CABP2: variants seen among roughly 807,000 people sequenced by gnomAD.
CABP2 encodes calcium binding protein 2, also known as calcium-binding protein 2.
Under a neutral mutation model 28.6 loss-of-function variants are expected in CABP2, and 25 were observed. The ratio of observed to expected loss-of-function variants is 0.87; its 90% CI spans 0.64 to 1.22. The LOEUF (loss-of-function observed/expected upper bound fraction) is 1.22. CABP2 is among the 50% of genes most tolerant of loss of function. The pLI, the probability that CABP2 is intolerant of heterozygous loss-of-function variation, is 0.00. For synonymous variants in CABP2, 138 were observed against 126.0 expected (o/e 1.09, Z -0.64); for missense variants, 310 against 312.2 (o/e 0.99, Z 0.05).
chr11:67,523,198 G>T, intron 1 of CABP2, 87 bp downstream of exon 1: 3 of 814,124 alleles, frequency 3.7e-6, no homozygotes, highest in South Asian at 1.5e-5. Context: ...AACCCCGCCC[G>T]GCCCTCGGAG....
chr11:67,522,791 A>T, intron 1 of CABP2, 75 bp from the exon 2 acceptor site: 1 of 1,322,704 alleles, frequency 7.6e-7, no homozygotes, highest in East Asian at 2.6e-5. Context: ...CACTCCTCTC[A>T]CCAGCTGCTC....
rs754353161 is a variant in CABP2, at chr11:67,521,021, A to G, written c.379+4T>C. 5.0e-6 allele frequency: 8 copies of G among 1,612,790 alleles called. No individual in the cohort carries two copies. In the East Asian group the frequency reaches 8.9e-5, roughly 18 times the overall value. The stretch of plus-strand genomic sequence containing the variant: ...GGGGATGGGGATGGGTCCGAGGCAC[A>G]TACTGATTTGTTGTGAGATCTCGAT... On this transcript the variant is annotated splice_donor_region_variant and intron_variant, in intron 4 of 6. Coordinates refer to ENST00000294288, the MANE Select transcript of CABP2 (RefSeq NM_016366.3).
chr11:67,522,570 C>T lies in CABP2; in HGVS notation c.189G>A (p.Arg63=). Residue 63 remains arginine, a synonymous_variant, in exon 2 of 7, where the codon CGG becomes CGA. Coordinates refer to ENST00000294288, the MANE Select transcript of CABP2 (RefSeq NM_016366.3). ...CGAGTTGGGTGGCGGCAATGCTGGG[C>T]CGCAGGAAGATGCAGGCAGGCCCCA... The part of the protein sequence containing the change: ...SLVGPACIFL[R]PSIAATQLDR... The T allele has an allele frequency of 6.4e-7, 1 of 1,556,216 alleles. No individual in the cohort carries two copies. The highest frequency in any genetic ancestry group is 1.2e-5 in the South Asian group (1 of 84,370).
In CABP2 at chr11:67,523,428, A is replaced by T; in HGVS notation, c.-102T>A. ...TCCTGCCAGCCCCCAGCTGCTCCCG[A>T]TGAGAGCCTGGGAGTACTGCCGGGG... On this transcript the variant is annotated 5_prime_UTR_variant, in exon 1 of 7. Coordinates refer to ENST00000294288, the MANE Select transcript of CABP2 (RefSeq NM_016366.3). The T allele has an allele frequency of 8.5e-7, 1 of 1,178,214 alleles. No homozygotes were observed. Among genetic ancestry groups the T allele is most frequent in the Non-Finnish European group, 1.1e-6 (1 of 927,684 alleles). 73.0% of individuals were successfully genotyped at this position (1,178,214 alleles called of 1,614,324 possible). A position where few individuals can be genotyped will look rare whatever the true frequency, so the allele number is the denominator to read the frequency against.
chr11:67,521,914 T>G, intron 3 of CABP2, 38 bp downstream of exon 3: 1 of 529,966 alleles, frequency 1.9e-6, no homozygotes, highest in South Asian at 3.5e-5. Flanking sequence ...CCATGCCACC[T>G]CCCCTTCAGG....
intron 2 of CABP2, among the ~76,000 whole-genome samples, 195 bp from the exon 3 acceptor site, chr11:67,522,177 C>T (rs1311928214): frequency 6.6e-6 from 1 of 152,182 alleles, no homozygotes; most frequent in Non-Finnish European, 1.5e-5. Context: ...CCCTTCCCTG[C>T]TTCTGGCCTA....
intron 6 of CABP2, 22 bp downstream of exon 6, chr11:67,519,771 T>G (rs749065637): frequency 6.2e-7 from 1 of 1,612,166 alleles, no homozygotes; most frequent in East Asian, 2.2e-5. Flanking sequence ...GGGCGTGTGT[T>G]GCTATGTGCG....
In CABP2 at chr11:67,520,167, G is replaced by T. The variant is rs756574355; in HGVS notation, c.380-7C>A. ...AAGTCCACCTTTCCGCCACCTGGGG[G>T]TCCCGTCCATTACAGACCCAGGGCA... On this transcript the variant is annotated splice_polypyrimidine_tract_variant and splice_region_variant and intron_variant, in intron 4 of 6. Coordinates refer to ENST00000294288, the MANE Select transcript of CABP2 (RefSeq NM_016366.3). The T allele has an allele frequency of 6.2e-7, 1 of 1,601,362 alleles. No homozygotes were observed. The highest frequency in any genetic ancestry group is 8.6e-7 in the Non-Finnish European group (1 of 1,168,774).
chr11:67,523,232 C>G, intron 1 of CABP2, 53 bp downstream of exon 1: 1 of 1,420,810 alleles, frequency 7.0e-7, no homozygotes, highest in East Asian at 2.5e-5. Flanking sequence ...CCATCTGACC[C>G]TCAGGGTCCA....
At chr11:67,521,882 C>CCCTT in intron 3 of CABP2, 70 bp downstream of exon 3, 1 of 800,708 alleles carries the variant, frequency 1.2e-6, no homozygotes, top group Non-Finnish European at 2.1e-6. Context: ...CCCCCCAACC[C>CCCTT]TGTGTCCCCA....
rs940003039 is a variant in CABP2 at position 67,519,077 on chromosome 11, T to C, written c.*62A>G. ...TAGAGGCGATGGGCTTCAAGGAACA[T>C]GCTGGTGGGCAGAGGCTGTGGTCCT... is the stretch of plus-strand genomic sequence containing the variant. On this transcript the variant is annotated 3_prime_UTR_variant, in exon 7 of 7. Coordinates refer to ENST00000294288, the MANE Select transcript of CABP2 (RefSeq NM_016366.3). 2 of 1,581,482 alleles carry C rather than the reference T, an allele frequency of 1.3e-6. No homozygotes were observed. The highest frequency in any genetic ancestry group is 8.7e-7 in the Non-Finnish European group (1 of 1,150,668).
intron 1 of CABP2, 70 bp downstream of exon 1, chr11:67,523,215 G>T: frequency 1.6e-6 from 2 of 1,253,572 alleles, no homozygotes; most frequent in Non-Finnish European, 2.3e-6. Context: ...GGAGGGCTCT[G>T]CCCATCCCAT....
rs946438018 is a variant in CABP2 at position 67,518,932 on chromosome 11, T to C, written c.*207A>G. ...AGCCATCTCCCCAGGCTTGGAGATA[T>C]TTTATTGTCAGAGAGACAGAGACAA... On this transcript the variant is annotated 3_prime_UTR_variant, in exon 7 of 7. Transcript: ENST00000294288. 20 of 599,634 alleles carry C rather than the reference T, an allele frequency of 3.3e-5. No individual in the cohort carries two copies. Among genetic ancestry groups the C allele is most frequent in the Non-Finnish European group, 5.1e-5 (17 of 333,662 alleles). The allele number at this position is 599,634 out of a possible 1,614,324, so 37.1% of individuals were successfully genotyped here.
chr11:67,519,032 G>A lies in CABP2; in HGVS notation c.*107C>T, dbSNP rs1247023433. On this transcript the variant is annotated 3_prime_UTR_variant, in exon 7 of 7. Transcript: ENST00000294288. ...GGGCACTGCACACAGGTGGGATGGG[G>A]AGGAAAGGAGGGTCCCCGCTAGAGG... is the stretch of plus-strand genomic sequence containing the variant. 1 of 1,219,096 alleles carries A rather than the reference G, an allele frequency of 8.2e-7. No individual in the cohort carries two copies. Among genetic ancestry groups the A allele is most frequent in the Admixed American group, 1.8e-5 (1 of 56,482 alleles). The allele number at this position is 1,219,096 out of a possible 1,614,324, so 75.5% of individuals were successfully genotyped here.
At chr11:67,519,266 G>T in intron 6 of CABP2, 102 bp from the exon 7 acceptor site, 2 of 1,073,582 alleles carry the variant, frequency 1.9e-6, no homozygotes, top group Non-Finnish European at 2.9e-6. Context: ...GTTGAGGGGA[G>T]GGTCTTCAAG....
At chr11:67,522,063 C>T in intron 2 of CABP2, 81 bp from the exon 3 acceptor site, 4 of 1,286,892 alleles carry the variant, frequency 3.1e-6, no homozygotes, top group Middle Eastern at 1.8e-4. Context: ...GGGCTCCCCA[C>T]CCAGCCCCAC....
rs1866701812 is a variant in CABP2 at position 67,519,105 on chromosome 11, A to G, written c.*34T>C. ...TGGTGGGCAGAGGCTGTGGTCCTTGAGTCCTTTATGCTGCCTCCAGCTTCT... is the reference window on the plus strand; with the variant it reads ...TGGTGGGCAGAGGCTGTGGTCCTTGGGTCCTTTATGCTGCCTCCAGCTTCT... On this transcript the variant is annotated 3_prime_UTR_variant, in exon 7 of 7. Coordinates refer to ENST00000294288, the MANE Select transcript of CABP2 (RefSeq NM_016366.3). 6.2e-7 allele frequency: 1 copy of G among 1,612,926 alleles called. No individual in the cohort carries two copies.
intron 3 of CABP2, among the ~76,000 whole-genome samples, chr11:67,521,465 C>A (rs1383803126): frequency 6.6e-6 from 1 of 151,626 alleles, no homozygotes; most frequent in East Asian, 1.9e-4. Context: ...CACTCTTCCC[C>A]TTCCTCTTTG....
intron 3 of CABP2, 52 bp downstream of exon 3, chr11:67,521,900 C>A: frequency 9.0e-7 from 1 of 1,112,610 alleles, no homozygotes; most frequent in Non-Finnish European, 1.3e-6. Context: ...CCACCCCATG[C>A]CCCCCATGCC....
Sources: allele counts gnomAD v4.1 joint callset (sites outside exome capture counted in the v4.1 genomes callset), GRCh38; gene constraint gnomAD v4.1.1; transcripts MANE v1.5; gene names NCBI Gene and HGNC (gene_info 2026-07-23, HGNC 2026-07-21).